ANKRD26: variants seen among roughly 807,000 people sequenced by gnomAD.
The protein encoded by ANKRD26 is ankyrin repeat domain 26.
Under a neutral mutation model 208.7 loss-of-function variants are expected in ANKRD26, and 141 were observed. That is an observed-to-expected ratio of 0.68 (90% CI 0.59 to 0.78). The LOEUF is 0.78. Ranked by LOEUF, ANKRD26 falls within the 30% of genes least tolerant of loss-of-function variation. The pLI is 0.00. For synonymous variants in ANKRD26, 636 were observed against 660.4 expected, an observed-to-expected ratio of 0.96 and a Z score of 0.57; for missense variants, 1,889 against 1,938.7, an observed-to-expected ratio of 0.97 and a Z score of 0.48.
chr10:27,021,579 G>A (rs1029304134), intron 29 of ANKRD26, among the ~76,000 whole-genome samples: 12 of 152,188 alleles, frequency 7.9e-5, no homozygotes, highest in Middle Eastern at 3.4e-3. Flanking sequence ...TTGGTCATTC[G>A]TATGTCTTCT....
chr10:27,007,866 T>A (rs11015450), intron 32 of ANKRD26, among the ~76,000 whole-genome samples: 1 of 152,030 alleles, frequency 6.6e-6, no homozygotes, highest in Non-Finnish European at 1.5e-5. Context: ...TCTTTATTCA[T>A]GTAAACACAA....
intron 5 of ANKRD26, chr10:26,992,136 T>A (rs2052497584): frequency 6.6e-6 from 1 of 152,216 alleles, no homozygotes; most frequent in Non-Finnish European, 1.5e-5. Context: ...AACTTTTTTA[T>A]CTTTGCAGCC....
the ANKRD26 span, among the ~76,000 whole-genome samples, chr10:26,964,544 C>T: frequency 1.3e-5 from 2 of 152,172 alleles, no homozygotes; most frequent in Admixed American, 6.5e-5. Context: ...AAATAGCAAA[C>T]CCAGTGAGAA....
chr10:27,066,234 C>A (rs145284045), intron 11 of ANKRD26: 79 of 296,746 alleles, frequency 2.7e-4, no homozygotes, highest in African/African-American at 1.5e-3. Flanking sequence ...GACTTCTAAG[C>A]CTTTTCTTTT....
the ANKRD26 span, among the ~76,000 whole-genome samples, chr10:26,950,998 T>TTTTTC: frequency 1.1e-3 from 147 of 133,336 alleles, 1 homozygote; most frequent in South Asian, 7.4e-3. Flanking sequence ...TCCCTTTTCT[T>TTTTTC]TTTTCTTTTC....
At chr10:27,056,471 A>G (rs1248477415) in intron 15 of ANKRD26, among the ~76,000 whole-genome samples, 1 of 151,820 alleles carries the variant, frequency 6.6e-6, no homozygotes, top group African/African-American at 2.4e-5. Context: ...ACCCAGCCAA[A>G]AATAATTTTT....
chr10:27,033,521 A>C (rs2053948648), intron 24 of ANKRD26, 144 bp from the exon 25 acceptor site: 1 of 798,236 alleles, frequency 1.3e-6, no homozygotes, highest in Non-Finnish European at 1.9e-6. Context: ...TCTTGTCCTC[A>C]TATGTACACA....
rs78238061 is a variant in ANKRD26, at chr10:27,030,494, C to A, written c.3808-1138G>T. The A allele has an allele frequency of 6.8e-3, 6,661 of 985,340 alleles. 346 individuals carry two copies. The East Asian group carries it at 0.15, about 23-fold the overall frequency. The allele number at this position is 985,340 out of a possible 1,614,324, so 61.0% of individuals were successfully genotyped here. On this transcript the variant is annotated intron_variant, in intron 25 of 33. Transcript: ENST00000376087. ...AACTGTCTATGCTGAGCTGCTTTAG[C>A]GAGCACTCTGGTGGGCTTAAGGCTA...
At chr10:27,032,401 G>A (rs574154133) in intron 25 of ANKRD26, among the ~76,000 whole-genome samples, 41 of 152,118 alleles carry the variant, frequency 2.7e-4, no homozygotes, top group African/African-American at 5.1e-4. Context: ...CTGGGAGGCC[G>A]AGGGGGGTGG....
chr10:27,024,583 T>C, intron 27 of ANKRD26, 24 bp from the exon 28 acceptor site: 2 of 1,315,652 alleles, frequency 1.5e-6, no homozygotes, highest in Non-Finnish European at 2.2e-6. Context: ...TATTTTCAAT[T>C]ACTTTTAAAA....
chr10:27,011,555 G>T (rs1397158939), intron 32 of ANKRD26, among the ~76,000 whole-genome samples: 1 of 151,782 alleles, frequency 6.6e-6, no homozygotes, highest in South Asian at 2.1e-4. Flanking sequence ...TGTCATTGTT[G>T]AATTCATCTT....
Position 27,038,039 on chromosome 10 carries a change from T to C in ANKRD26, c.2391A>G (p.Gln797=), listed in dbSNP as rs2054101000. 6.2e-7 allele frequency: 1 copy of C among 1,609,944 alleles called. No homozygotes were observed. Among genetic ancestry groups the C allele is most frequent in the Middle Eastern group, 1.7e-4 (1 of 6,024 alleles). ...ELCSLRFSLN[Q]EEEKRRNADT... ...CAGCATTTCTTCTCTTCTCTTCTTCTTGGTTTAAGCTAAATCTGCAGTTAA... is the reference window on the plus strand; with the variant it reads ...CAGCATTTCTTCTCTTCTCTTCTTCCTGGTTTAAGCTAAATCTGCAGTTAA... The change falls in exon 22 of 34, where the codon CAA becomes CAG. Residue 797 remains glutamine, a synonymous_variant. Transcript: ENST00000376087.
chr10:26,975,047 G>T (rs923614049), exon 6 of ANKRD26, among the ~76,000 whole-genome samples: 1 of 152,106 alleles, frequency 6.6e-6, no homozygotes, highest in Non-Finnish European at 1.5e-5. Context: ...AAATAAACCA[G>T]GGGGTTGTGT....
At chr10:27,050,266 G>GAAGAATATC (rs1300478398) in intron 16 of ANKRD26, among the ~76,000 whole-genome samples, 1 of 78,610 alleles carries the variant, frequency 1.3e-5, no homozygotes, top group African/African-American at 5.1e-5. Context: ...GAAAGAAAAA[G>GAAGAATATC]AAGAATATCT....
At chr10:27,097,540 T>A (rs2056507723) in intron 1 of ANKRD26, among the ~76,000 whole-genome samples, 1 of 152,178 alleles carries the variant, frequency 6.6e-6, no homozygotes, top group African/African-American at 2.4e-5. Context: ...AATAAATGGA[T>A]TGAAAGAATG....
In ANKRD26 at chr10:27,037,939, G is replaced by C. The variant is rs1351355128; in HGVS notation, c.2491C>G (p.Gln831Glu). 1 of 1,613,360 alleles carries C rather than the reference G, an allele frequency of 6.2e-7. No homozygotes were observed. Among genetic ancestry groups the C allele is most frequent in the East Asian group, 2.2e-5 (1 of 44,742 alleles). ...EQYRKEVEVK[Q>E]QLELSLQTLE... ...GTTTGGAGACTCAGTTCAAGCTGTT[G>C]TTTCACTTCAACTTCTTTCCTATAT... is the stretch of plus-strand genomic sequence containing the variant. Residue 831 changes from glutamine to glutamate, a missense_variant, in exon 22 of 34, where the codon CAA (glutamine) becomes GAA (glutamate). By Grantham distance (29) the Gln-to-Glu change is conservative. This residue lies in a region of ANKRD26 where 1,272 missense variants were observed against 1,273.8 expected (regional missense o/e 1.00). Transcript: ENST00000376087.
At chr10:27,099,586 G>A (rs1032081016) in intron 1 of ANKRD26, among the ~76,000 whole-genome samples, 3 of 143,974 alleles carry the variant, frequency 2.1e-5, no homozygotes, top group African/African-American at 7.8e-5. Flanking sequence ...TCGCTATAAT[G>A]CCCAGGCTGG....
chr10:27,038,983 A>T (rs2054138134), intron 21 of ANKRD26, among the ~76,000 whole-genome samples: 2 of 152,186 alleles, frequency 1.3e-5, no homozygotes, highest in Non-Finnish European at 2.9e-5. Context: ...TGCATAAACA[A>T]TTTTAAAATC....
chr10:26,965,523 G>A, the ANKRD26 span, among the ~76,000 whole-genome samples: 5 of 152,020 alleles, frequency 3.3e-5, no homozygotes, highest in African/African-American at 1.2e-4. Flanking sequence ...CAAAACCATG[G>A]AAACCCTAGA....
Sources: gnomAD v4.1 joint callset for allele counts (sites outside exome capture counted in the v4.1 genomes callset) on GRCh38, gnomAD v4.1.1 for gene constraint, gnomAD v4.1.1 regional missense constraint, MANE v1.5 for transcripts, NCBI Gene and HGNC (gene_info 2026-07-23, HGNC 2026-07-21) for gene names.